The following LIMA1 variants were observed in gnomAD, a reference collection of about 807,000 sequenced individuals.
LIMA1 encodes the protein LIM domain and actin-binding protein 1.
In LIMA1, 52 loss-of-function variants were observed where a neutral mutation model predicts 62.6. That is an observed-to-expected ratio of 0.83 (90% CI 0.67 to 1.05). The LOEUF (loss-of-function observed/expected upper bound fraction) is 1.05. LIMA1 is among the 50% of genes least tolerant of loss of function. The pLI is 0.00. For synonymous variants in LIMA1, 302 were observed against 317.8 expected, an observed-to-expected ratio of 0.95 and a Z score of 0.53; for missense variants, 780 against 902.2, an observed-to-expected ratio of 0.86 and a Z score of 1.74.
intron 1 of LIMA1, among the ~76,000 whole-genome samples, chr12:50,259,579 ACT>A (rs1397434600): frequency 2.6e-5 from 4 of 152,096 alleles, no homozygotes; most frequent in African/African-American, 9.7e-5. Context: ...GCTTATTCAA[ACT>A]CTCATATAAA....
chr12:50,183,810 C>CA (rs34778877), intron 9 of LIMA1, among the ~76,000 whole-genome samples: 36,239 of 56,026 alleles, frequency 0.65, 11,139 homozygotes, highest in East Asian at 0.78. Flanking sequence ...GACTTGGTCT[C>CA]AAAAAAAAAA....
chr12:50,260,325 T>C lies in LIMA1; in HGVS notation c.-23-11551A>G, dbSNP rs180766416. On this transcript the variant is annotated intron_variant, in intron 1 of 10. Coordinates refer to ENST00000341247, the MANE Select transcript of LIMA1 (RefSeq NM_016357.5). ...ACCATACCCGGCTAAGTTTTTGTATTTTTAGTAGAGACGAGGTTTCACCAT... is the reference window on the plus strand; with the variant it reads ...ACCATACCCGGCTAAGTTTTTGTATCTTTAGTAGAGACGAGGTTTCACCAT... Among the ~76,000 whole-genome samples, 97 of 152,232 alleles carry C rather than the reference T, an allele frequency of 6.4e-4. 2 individuals are homozygous for C. The highest frequency in any genetic ancestry group is 2.3e-3 in the African/African-American group (95 of 41,542).
intron 2 of LIMA1, among the ~76,000 whole-genome samples, chr12:50,241,291 C>T (rs574640654): frequency 6.6e-5 from 10 of 152,270 alleles, no homozygotes; most frequent in African/African-American, 9.6e-5. Flanking sequence ...CTTGAACTTG[C>T]GTTTCCACAC....
chr12:50,176,963 A>C lies in LIMA1; in HGVS notation c.*101T>G. ...CCAAAGTTACTTCCAAGTAAATTACATTTCATGCTGGGATACCTGCTTATG... is the reference window on the plus strand; with the variant it reads ...CCAAAGTTACTTCCAAGTAAATTACCTTTCATGCTGGGATACCTGCTTATG... On this transcript the variant is annotated 3_prime_UTR_variant, in exon 11 of 11. Coordinates refer to ENST00000341247, the MANE Select transcript of LIMA1 (RefSeq NM_016357.5). The C allele has an allele frequency of 1.1e-6, 1 of 915,024 alleles. No individual in the cohort carries two copies. Among genetic ancestry groups the C allele is most frequent in the African/African-American group, 1.7e-5 (1 of 58,822 alleles). The allele number at this position is 915,024 out of a possible 1,614,324, so 56.7% of individuals were successfully genotyped here.
chr12:50,268,482 T>G (rs144242785), intron 1 of LIMA1, among the ~76,000 whole-genome samples: 5 of 152,346 alleles, frequency 3.3e-5, no homozygotes, highest in Non-Finnish European at 7.3e-5. Context: ...TTTGAACCCC[T>G]TAAGCATAAG....
chr12:50,209,567 C>CAAAA (rs1203309856), intron 4 of LIMA1, among the ~76,000 whole-genome samples: 32 of 61,638 alleles, frequency 5.2e-4, no homozygotes, highest in African/African-American at 1.5e-3. Flanking sequence ...GACTCCATCT[C>CAAAA]AAAAAAAAAA....
At chr12:50,184,895 G>C (rs371357955) in intron 9 of LIMA1, among the ~76,000 whole-genome samples, 1 of 152,014 alleles carries the variant, frequency 6.6e-6, no homozygotes, top group Non-Finnish European at 1.5e-5. Flanking sequence ...ACAGTGGCGC[G>C]ATCTCAGCTC....
At chr12:50,224,971 C>T (rs958091690) in intron 3 of LIMA1, among the ~76,000 whole-genome samples, 5 of 145,772 alleles carry the variant, frequency 3.4e-5, no homozygotes, top group Admixed American at 1.4e-4. Flanking sequence ...GGCGTGATCT[C>T]GGCTCACTGC....
chr12:50,214,127 T>C (rs771088400), intron 4 of LIMA1, among the ~76,000 whole-genome samples: 2 of 151,978 alleles, frequency 1.3e-5, no homozygotes, highest in Non-Finnish European at 2.9e-5. Flanking sequence ...TGTACCACTA[T>C]AAATAGATGT....
In LIMA1 at chr12:50,241,933, A is replaced by ATTTTTTTTTTTT. The variant is rs577308413; in HGVS notation, c.119+6688_119+6699dup. Among the ~76,000 whole-genome samples, 20 of 36,434 alleles carry ATTTTTTTTTTTT rather than the reference A, an allele frequency of 5.5e-4. 2 individuals are homozygous for ATTTTTTTTTTTT. Among genetic ancestry groups the ATTTTTTTTTTTT allele is most frequent in the East Asian group, 2.2e-3 (2 of 890 alleles). The allele number at this position is 36,434 out of a possible 152,430, so 23.9% of individuals were successfully genotyped here. A position where few individuals can be genotyped will look rare whatever the true frequency, so the allele number is the denominator to read the frequency against. ...AATTTTGTTCCTCTTTCCTTCCCAG[A>ATTTTTTTTTTTT]TTTTTTTTTTTTTTTTTTTTTTTTT... On this transcript the variant is annotated intron_variant, in intron 2 of 10. Coordinates refer to ENST00000341247, the MANE Select transcript of LIMA1 (RefSeq NM_016357.5).
At chr12:50,189,539 T>C (rs1195110172) in intron 9 of LIMA1, 3 of 152,200 alleles carry the variant, frequency 2.0e-5, no homozygotes, top group Non-Finnish European at 4.4e-5. Context: ...TAAAGAAGTG[T>C]GGGTAATCCA....
intron 4 of LIMA1, among the ~76,000 whole-genome samples, chr12:50,220,248 C>T (rs749884459): frequency 7.9e-5 from 12 of 151,770 alleles, no homozygotes; most frequent in Non-Finnish European, 1.5e-4. Flanking sequence ...TTAGTGGAGA[C>T]GGGGTTTCAC....
chr12:50,244,130 G>A (rs1225311430), intron 2 of LIMA1, among the ~76,000 whole-genome samples: 6 of 147,846 alleles, frequency 4.1e-5, no homozygotes, highest in Admixed American at 2.7e-4. Context: ...ACAGAGTCTC[G>A]CTCTGTAGCC....
intron 1 of LIMA1, among the ~76,000 whole-genome samples, chr12:50,277,058 C>T (rs1385750652): frequency 2.6e-5 from 4 of 152,040 alleles, no homozygotes; most frequent in Non-Finnish European, 4.4e-5. Flanking sequence ...GCCTTGGAGA[C>T]GTACACCCTC....
At chr12:50,181,842 A>T in intron 10 of LIMA1, 62 bp downstream of exon 10, 2 of 1,587,100 alleles carry the variant, frequency 1.3e-6, no homozygotes, top group Non-Finnish European at 1.7e-6. Context: ...AGTGCTCTAA[A>T]AGCCAAAGAC....
intron 9 of LIMA1, chr12:50,188,499 G>A (rs1358836156): frequency 6.6e-6 from 1 of 152,138 alleles, no homozygotes; most frequent in East Asian, 1.9e-4. Flanking sequence ...TGGACCAGAG[G>A]CAAACAGCCA....
intron 2 of LIMA1, among the ~76,000 whole-genome samples, chr12:50,245,233 A>G (rs1181563314): frequency 1.3e-5 from 2 of 151,874 alleles, no homozygotes; most frequent in African/African-American, 4.8e-5. Context: ...TGGGCAACAT[A>G]GTGAGACGCT....
At chr12:50,265,068 G>C (rs553434647) in intron 1 of LIMA1, among the ~76,000 whole-genome samples, 2 of 151,816 alleles carry the variant, frequency 1.3e-5, no homozygotes, top group South Asian at 4.2e-4. Flanking sequence ...TGGGAAGATT[G>C]CCTGAGCCTA....
chr12:50,199,637 G>C (rs1941002741), intron 7 of LIMA1, among the ~76,000 whole-genome samples: 1 of 151,984 alleles, frequency 6.6e-6, no homozygotes, highest in Admixed American at 6.6e-5. Flanking sequence ...TGCACATAAA[G>C]ACCACATGGA....
Sources: allele counts gnomAD v4.1 joint callset (sites outside exome capture counted in the v4.1 genomes callset), GRCh38; gene constraint gnomAD v4.1.1; transcripts MANE v1.5; gene names NCBI Gene and HGNC (gene_info 2026-07-23, HGNC 2026-07-21).